Variants in NPAS3 observed in about 807,000 individuals in gnomAD.
NPAS3 encodes neuronal PAS domain-containing protein 3.
A neutral mutation model predicts 73.1 loss-of-function variants in NPAS3; 14 were observed. The observed-to-expected ratio is 0.19, with a 90% CI of 0.13 to 0.30. NPAS3 has a LOEUF of 0.30. NPAS3 is among the 10% of genes least tolerant of loss of function. The pLI, the probability that NPAS3 is intolerant of heterozygous loss-of-function variation, is 1.00. For synonymous variants in NPAS3, 620 were observed against 541.5 expected, an observed-to-expected ratio of 1.14 and a Z score of -2.01; for missense variants, 1,096 against 1,250.0, an observed-to-expected ratio of 0.88 and a Z score of 1.86.
chr14:33,404,810 C>T (rs748374410), intron 4 of NPAS3, among the ~76,000 whole-genome samples: 10 of 152,100 alleles, frequency 6.6e-5, no homozygotes, highest in Non-Finnish European at 1.3e-4. Flanking sequence ...ACAGTTTTCT[C>T]TGTCAACCAA....
intron 4 of NPAS3, among the ~76,000 whole-genome samples, chr14:33,498,935 A>AGAGTGT (rs1335110760): frequency 5.7e-4 from 54 of 94,924 alleles, no homozygotes; most frequent in Non-Finnish European, 8.9e-4. Context: ...ACAGAGAGAG[A>AGAGTGT]GTGTGTGTGT....
At chr14:33,770,779 A>T (rs2062625086) in intron 7 of NPAS3, among the ~76,000 whole-genome samples, 1 of 152,178 alleles carries the variant, frequency 6.6e-6, no homozygotes. Context: ...GCATGCCTGT[A>T]ATCCCAGCAA....
At chr14:33,084,479 A>T (rs557356100) in intron 2 of NPAS3, among the ~76,000 whole-genome samples, 3 of 152,314 alleles carry the variant, frequency 2.0e-5, no homozygotes, top group Non-Finnish European at 4.4e-5. Context: ...GGAATGGGTT[A>T]TGTTCTAAAA....
intron 6 of NPAS3, among the ~76,000 whole-genome samples, chr14:33,709,065 C>T (rs1014655422): frequency 2.0e-5 from 3 of 152,126 alleles, no homozygotes; most frequent in Admixed American, 1.3e-4. Context: ...GATGGTGTTA[C>T]CCCCATATAT....
chr14:33,042,211 T>C (rs1394781036), intron 1 of NPAS3, among the ~76,000 whole-genome samples: 1 of 152,082 alleles, frequency 6.6e-6, no homozygotes, highest in African/African-American at 2.4e-5. Flanking sequence ...ACAATTCCTG[T>C]TTTACTAAGG....
intron 4 of NPAS3, among the ~76,000 whole-genome samples, chr14:33,529,788 A>T (rs1291159139): frequency 6.6e-6 from 1 of 151,994 alleles, no homozygotes; most frequent in Non-Finnish European, 1.5e-5. Flanking sequence ...TGTCAACTCT[A>T]TGAAGTTTCA....
At chr14:33,193,516 G>C (rs1420707813) in intron 2 of NPAS3, among the ~76,000 whole-genome samples, 1 of 152,204 alleles carries the variant, frequency 6.6e-6, no homozygotes, top group African/African-American at 2.4e-5. Flanking sequence ...ATGAGGATCT[G>C]CATCCTAGAG....
At chr14:33,401,790 T>C (rs1237626356) in intron 4 of NPAS3, among the ~76,000 whole-genome samples, 1 of 152,052 alleles carries the variant, frequency 6.6e-6, no homozygotes, top group Admixed American at 6.6e-5. Context: ...CCCAGTACAC[T>C]GAAGAATGAA....
rs1453952319 is a variant in NPAS3, at chr14:33,661,829, T to TTTGA, written c.559-14377_559-14374dup. ...TGAAATGATAAATTCACAGTTGGATTTTGATTGACTCTTAATCCAATTTTA... is the reference window on the plus strand; with the variant it reads ...TGAAATGATAAATTCACAGTTGGATTTTGATTGATTGACTCTTAATCCAATTTTA... On this transcript the variant is annotated intron_variant, in intron 5 of 11. Transcript: ENST00000356141. Among the ~76,000 whole-genome samples the TTTGA allele has an allele frequency of 5.3e-5, 8 of 152,202 alleles. 1 individual carries two copies. The highest frequency in any genetic ancestry group is 5.2e-4 in the Admixed American group (8 of 15,286).
At chr14:32,984,642 T>C (rs1391305244) in intron 1 of NPAS3, among the ~76,000 whole-genome samples, 1 of 152,208 alleles carries the variant, frequency 6.6e-6, no homozygotes, top group Non-Finnish European at 1.5e-5. Flanking sequence ...TTGGATGACA[T>C]TGAGATAGCA....
At chr14:33,064,134 A>T (rs1434437424) in intron 2 of NPAS3, among the ~76,000 whole-genome samples, 2 of 152,204 alleles carry the variant, frequency 1.3e-5, no homozygotes, top group African/African-American at 4.8e-5. Flanking sequence ...AAAGAAATTA[A>T]TTTCATACAT....
At chr14:33,493,885 C>G (rs368340147) in intron 4 of NPAS3, among the ~76,000 whole-genome samples, 1 of 151,964 alleles carries the variant, frequency 6.6e-6, no homozygotes, top group Non-Finnish European at 1.5e-5. Context: ...TAGTCTTTAG[C>G]GGGGATTGTT....
At chr14:33,093,271 A>G (rs968791385) in intron 2 of NPAS3, among the ~76,000 whole-genome samples, 2 of 152,200 alleles carry the variant, frequency 1.3e-5, no homozygotes, top group African/African-American at 4.8e-5. Context: ...ACAAATTTAC[A>G]AGAAAAAAAC....
chr14:33,061,270 C>T (rs1288925228), intron 2 of NPAS3, among the ~76,000 whole-genome samples: 1 of 152,158 alleles, frequency 6.6e-6, no homozygotes, highest in Non-Finnish European at 1.5e-5. Context: ...TGACTGATTG[C>T]TATTATACAG....
intron 4 of NPAS3, among the ~76,000 whole-genome samples, chr14:33,537,269 T>C (rs2054298605): frequency 6.6e-6 from 1 of 152,200 alleles, no homozygotes; most frequent in South Asian, 2.1e-4. Flanking sequence ...TGTTGTGTAT[T>C]TAACTGATGG....
At chr14:33,442,557 T>TC (rs2049301974) in intron 4 of NPAS3, among the ~76,000 whole-genome samples, 1 of 152,220 alleles carries the variant, frequency 6.6e-6, no homozygotes, top group Non-Finnish European at 1.5e-5. Flanking sequence ...CCCCATGCTA[T>TC]CCTCATGATA....
chr14:33,090,996 C>G lies in NPAS3; in HGVS notation c.140+35002C>G, dbSNP rs962419799. On this transcript the variant is annotated intron_variant, in intron 2 of 11. Coordinates refer to ENST00000356141, the Ensembl canonical transcript of NPAS3. Reference sequence around the variant, plus strand: ...CTGGGACACATTTAAAGCTGTGTGTCGACGGAAATTTATAGCACTAAATGC... The same window carrying G: ...CTGGGACACATTTAAAGCTGTGTGTGGACGGAAATTTATAGCACTAAATGC... Among the ~76,000 whole-genome samples the G allele has an allele frequency of 3.9e-5, 6 of 152,174 alleles. No homozygotes were observed. The South Asian group carries it at 6.2e-4, about 16-fold the overall frequency.
upstream of NPAS3, among the ~76,000 whole-genome samples, chr14:32,938,219 G>A (rs543727233): frequency 3.3e-5 from 5 of 152,184 alleles, no homozygotes; most frequent in South Asian, 1.0e-3. Context: ...CACCGCCCAC[G>A]GGGCTCTTGG....
intron 4 of NPAS3, among the ~76,000 whole-genome samples, chr14:33,408,178 T>C (rs1229512541): frequency 1.3e-5 from 2 of 152,172 alleles, no homozygotes; most frequent in Non-Finnish European, 1.5e-5. Context: ...TAGATGGTCC[T>C]CATTGTGAAA....
Sources: gnomAD v4.1 joint callset for allele counts (sites outside exome capture counted in the v4.1 genomes callset) on GRCh38, gnomAD v4.1.1 for gene constraint, MANE v1.5 for transcripts, NCBI Gene and HGNC (gene_info 2026-07-23, HGNC 2026-07-21) for gene names.